Variants in CACNG1 observed in about 807,000 individuals in gnomAD.
CACNG1 encodes calcium voltage-gated channel auxiliary subunit gamma 1.
In CACNG1, 21 loss-of-function variants were observed where a neutral mutation model predicts 22.0. The ratio of observed to expected loss-of-function variants is 0.95; its 90% CI spans 0.68 to 1.37. CACNG1 has a LOEUF of 1.37. Ranked by LOEUF, CACNG1 falls within the 40% of genes most tolerant of loss-of-function variation. The pLI, the probability that CACNG1 is intolerant of heterozygous loss-of-function variation, is 0.00. For missense variants in CACNG1, 291 were observed against 308.6 expected (o/e 0.94, Z 0.43); for synonymous variants, 127 against 129.2 (o/e 0.98, Z 0.12).
At chr17:67,049,440 T>C (rs546152567) in intron 1 of CACNG1, among the ~76,000 whole-genome samples, 20 of 152,352 alleles carry the variant, frequency 1.3e-4, no homozygotes, top group African/African-American at 4.8e-4. Context: ...TTCACCGTTT[T>C]AGTCAATACA....
At position 67,051,057 on chromosome 17, in the gene CACNG1, G is replaced by A. The variant is rs116276649; in HGVS notation, c.230-2939G>A. Among the ~76,000 whole-genome samples the A allele has an allele frequency of 6.4e-3, 977 of 152,258 alleles. 7 individuals are homozygous for A. The highest frequency in any genetic ancestry group is 0.022 in the African/African-American group (914 of 41,550). On this transcript the variant is annotated intron_variant, in intron 1 of 3. Transcript: ENST00000226021. ...TAAGTGTGATGGAAGCCAGGGCAGC[G>A]GGGCAGAGAGGGGCATCCCAGAGGC...
In CACNG1 at chr17:67,044,753, C is replaced by T. The variant is rs1403014407; in HGVS notation, c.93C>T (p.His31=). The change falls in exon 1 of 4, where the codon CAC becomes CAT. Residue 31 remains histidine (H), a synonymous_variant. Coordinates refer to ENST00000226021, the MANE Select transcript of CACNG1 (RefSeq NM_000727.4). The surrounding 1 kb of genome is among the most constrained non-coding windows in gnomAD (Gnocchi z 6.9). ...VLAMTAVVTD[H]WAVLSPHMEH... ...CCATGACAGCCGTGGTAACCGACCA[C>T]TGGGCTGTGCTGAGCCCCCACATGG... The T allele has an allele frequency of 6.2e-7, 1 of 1,613,172 alleles. No homozygotes were observed. The highest frequency in any genetic ancestry group is 1.7e-5 in the Admixed American group (1 of 60,034).
chr17:67,051,126 C>G (rs897146119), intron 1 of CACNG1, among the ~76,000 whole-genome samples: 8 of 152,212 alleles, frequency 5.3e-5, no homozygotes, highest in Non-Finnish European at 1.2e-4. Context: ...GTCACGGTCC[C>G]TCTCCTCTTG....
Position 67,056,280 on chromosome 17 carries a change from C to A in CACNG1, c.*9C>A, listed in dbSNP as rs9912133. 3.3e-3 allele frequency: 5,374 copies of A among 1,610,890 alleles called. 165 individuals carry two copies. In the African/African-American group the frequency reaches 0.065, roughly 19 times the overall value. On this transcript the variant is annotated 3_prime_UTR_variant, in exon 4 of 4. Transcript: ENST00000226021. This position sits in a 1 kb window ranked among gnomAD's most constrained non-coding sequence, Gnocchi z 4.3. ...CTGAGCCCGAGCACTAACCCTCCTG[C>A]GGCCCTAGCGACCCTCAGGCTTCTT...
intron 1 of CACNG1, among the ~76,000 whole-genome samples, chr17:67,046,455 G>A (rs2035697449): frequency 6.6e-6 from 1 of 152,076 alleles, no homozygotes; most frequent in Non-Finnish European, 1.5e-5. Flanking sequence ...GCTTGCTCCA[G>A]AGATCCCCTC....
chr17:67,056,389 C>G lies in CACNG1; in HGVS notation c.*118C>G, dbSNP rs1162611443. ...GCCCCACCCTGCTCCCATCTGCCCC[C>G]CTGCAACAGTCGCAGGCTGCTTCCT... On this transcript the variant is annotated 3_prime_UTR_variant, in exon 4 of 4. Coordinates refer to ENST00000226021, the MANE Select transcript of CACNG1 (RefSeq NM_000727.4). The surrounding 1 kb of genome is among the most constrained non-coding windows in gnomAD (Gnocchi z 4.3). 1.2e-6 allele frequency: 1 copy of G among 804,056 alleles called. No individual in the cohort carries two copies. The highest frequency in any genetic ancestry group is 2.6e-5 in the East Asian group (1 of 38,976). 49.8% of individuals were successfully genotyped at this position (804,056 alleles called of 1,614,324 possible).
At position 67,055,075 on chromosome 17, in the gene CACNG1, G is replaced by C; in HGVS notation, c.305-28G>C. On this transcript the variant is annotated intron_variant, in intron 2 of 3. Transcript: ENST00000226021. The surrounding 1 kb of genome is among the most constrained non-coding windows in gnomAD (Gnocchi z 4.5). ...TGACAAGAGCTCCCATGCTGAGGCC[G>C]CATGCTGGGTGTCCCTTGTGTTTGC... 6.2e-7 allele frequency: 1 copy of C among 1,601,710 alleles called. No individual in the cohort carries two copies. The highest frequency in any genetic ancestry group is 8.5e-7 in the Non-Finnish European group (1 of 1,171,310).
chr17:67,051,713 G>A (rs946213652), intron 1 of CACNG1, among the ~76,000 whole-genome samples: 2 of 152,216 alleles, frequency 1.3e-5, no homozygotes, highest in African/African-American at 4.8e-5. Context: ...CTGCAGACAC[G>A]TAGCCTACCC....
Position 67,056,023 on chromosome 17 carries a change from G to C in CACNG1, c.443-22G>C. The C allele has an allele frequency of 6.3e-7, 1 of 1,595,924 alleles. No homozygotes were observed. The highest frequency in any genetic ancestry group is 8.5e-7 in the Non-Finnish European group (1 of 1,170,212). On this transcript the variant is annotated intron_variant, in intron 3 of 3. Coordinates refer to ENST00000226021, the MANE Select transcript of CACNG1 (RefSeq NM_000727.4). This position sits in a 1 kb window ranked among gnomAD's most constrained non-coding sequence, Gnocchi z 4.3. ...ACGGCAGACGCCCCTCGGTCCCTGA[G>C]CATGCCTGGCTCTGCCCCCAGGTCT...
rs2035742970 is a variant in CACNG1, at chr17:67,054,000, G to C, written c.234G>C (p.Lys78Asn). 3.7e-6 allele frequency: 6 copies of C among 1,613,836 alleles called. No homozygotes were observed. The highest frequency in any genetic ancestry group is 5.1e-6 in the Non-Finnish European group (6 of 1,179,734). Reference sequence around the variant, plus strand: ...AGTCTGTCTCCTCCTTTGCAGAGAAGAACTGTTCCTACTTCAGGCATTTTA... The same window carrying C: ...AGTCTGTCTCCTCCTTTGCAGAGAACAACTGTTCCTACTTCAGGCATTTTA... ...TCGPITLPGE[K>N]NCSYFRHFNP... The change falls in exon 2 of 4, where the codon AAG (lysine) becomes AAC (asparagine). Residue 78 changes from lysine to asparagine, a missense_variant. Coordinates refer to ENST00000226021, the MANE Select transcript of CACNG1 (RefSeq NM_000727.4).
chr17:67,053,076 C>T (rs1284410181), intron 1 of CACNG1, among the ~76,000 whole-genome samples: 3 of 152,308 alleles, frequency 2.0e-5, no homozygotes, highest in African/African-American at 4.8e-5. Flanking sequence ...TTCAGATTTG[C>T]GTTCCTACTG....
chr17:67,054,973 C>A lies in CACNG1; in HGVS notation c.305-130C>A. On this transcript the variant is annotated intron_variant, in intron 2 of 3. Transcript: ENST00000226021. This position sits in a 1 kb window ranked among gnomAD's most constrained non-coding sequence, Gnocchi z 4.6. ...CACACAAGACAGACACAGAGACACACACTTGACACACACACAATGACACAC... is the reference window on the plus strand; with the variant it reads ...CACACAAGACAGACACAGAGACACAAACTTGACACACACACAATGACACAC... 1.1e-6 allele frequency: 1 copy of A among 889,646 alleles called. No individual in the cohort carries two copies. Among genetic ancestry groups the A allele is most frequent in the Non-Finnish European group, 1.7e-6 (1 of 596,352 alleles). The allele number at this position is 889,646 out of a possible 1,614,324, so 55.1% of individuals were successfully genotyped here.
At chr17:67,048,440 A>G (rs774441015) in intron 1 of CACNG1, among the ~76,000 whole-genome samples, 5 of 152,178 alleles carry the variant, frequency 3.3e-5, no homozygotes, top group Non-Finnish European at 7.3e-5. Flanking sequence ...GACTACAGTG[A>G]ACTATGATCA....
Position 67,044,768 on chromosome 17 carries a change from C to T in CACNG1, c.108C>T (p.Ser36=), listed in dbSNP as rs138069395. 4.4e-5 allele frequency: 71 copies of T among 1,613,122 alleles called. No homozygotes were observed. The Middle Eastern group carries it at 3.1e-3, about 71-fold the overall frequency. The change falls in exon 1 of 4, where the codon AGC becomes AGT. Residue 36 remains serine (S), a synonymous_variant. Transcript: ENST00000226021. The surrounding 1 kb of genome is among the most constrained non-coding windows in gnomAD (Gnocchi z 6.9). ...TAACCGACCACTGGGCTGTGCTGAG[C>T]CCCCACATGGAGCACCACAACACTA... is the stretch of plus-strand genomic sequence containing the variant. ...AVVTDHWAVL[S]PHMEHHNTTC...
rs4790894 is a variant in CACNG1 at position 67,048,326 on chromosome 17, C to A, written c.229+3437C>A. On this transcript the variant is annotated intron_variant, in intron 1 of 3. Coordinates refer to ENST00000226021, the MANE Select transcript of CACNG1 (RefSeq NM_000727.4). ...TCCCTACCAAAAAAAAAAAAAAAAA[C>A]AAAAAAAAAACCCCACAAAATATCC... Among the ~76,000 whole-genome samples the A allele has an allele frequency of 3.7e-3, 496 of 132,878 alleles. 1 individual carries two copies. Among genetic ancestry groups the A allele is most frequent in the African/African-American group, 5.6e-3 (198 of 35,332 alleles). 87.2% of individuals were successfully genotyped at this position (132,878 alleles called of 152,430 possible). A position where few individuals can be genotyped will look rare whatever the true frequency, so the allele number is the denominator to read the frequency against.
rs2035758745 is a variant in CACNG1, at chr17:67,055,967, A to G, written c.443-78A>G. 3 of 1,213,670 alleles carry G rather than the reference A, an allele frequency of 2.5e-6. No individual in the cohort carries two copies. Among genetic ancestry groups the G allele is most frequent in the African/African-American group, 3.0e-5 (2 of 66,852 alleles). The allele number at this position is 1,213,670 out of a possible 1,614,324, so 75.2% of individuals were successfully genotyped here. ...CCAAGGCAAGGTCACCGCCTCCTCC[A>G]TGCACACAGGCTGGGATGGGGCTGG... On this transcript the variant is annotated intron_variant, in intron 3 of 3. Transcript: ENST00000226021. The surrounding 1 kb of genome is among the most constrained non-coding windows in gnomAD (Gnocchi z 4.5).
chr17:67,048,322 A>AC (rs999342428), intron 1 of CACNG1, among the ~76,000 whole-genome samples: 2 of 86,556 alleles, frequency 2.3e-5, no homozygotes, highest in African/African-American at 1.1e-4. Flanking sequence ...AAAAAAAAAA[A>AC]AAACAAAAAA....
In CACNG1 at chr17:67,055,123, G is replaced by T. The variant is rs767660766; in HGVS notation, c.325G>T (p.Ala109Ser). The T allele has an allele frequency of 6.2e-7, 1 of 1,613,990 alleles. No individual in the cohort carries two copies. Among genetic ancestry groups the T allele is most frequent in the Non-Finnish European group, 8.5e-7 (1 of 1,179,928 alleles). ...TQKEYSISAAAIAIFSLGFII... is the reference protein window; with the variant it reads ...TQKEYSISAASIAIFSLGFII... ...TGCAGAGTACAGCATCTCGGCAGCC[G>T]CCATCGCCATCTTCAGCCTTGGCTT... Residue 109 changes from alanine (A) to serine (S), a missense_variant, in exon 3 of 4, where the codon GCC (alanine) becomes TCC (serine). By Grantham distance (99) the Ala-to-Ser change is moderately conservative. Coordinates refer to ENST00000226021, the MANE Select transcript of CACNG1 (RefSeq NM_000727.4). The surrounding 1 kb of genome is among the most constrained non-coding windows in gnomAD (Gnocchi z 4.5).
In CACNG1 at chr17:67,044,720, C is replaced by T. The variant is rs200565506; in HGVS notation, c.60C>T (p.Ile20=). 9.9e-6 allele frequency: 16 copies of T among 1,612,032 alleles called. No homozygotes were observed. In the Admixed American group the frequency reaches 1.2e-4, roughly 12 times the overall value. ...RVTLFCILAG[I]VLAMTAVVTD... is the part of the protein sequence containing the mutation. Reference sequence around the variant, plus strand: ...CCCTCTTCTGCATCCTGGCAGGCATCGTGCTGGCCATGACAGCCGTGGTAA... The same window carrying T: ...CCCTCTTCTGCATCCTGGCAGGCATTGTGCTGGCCATGACAGCCGTGGTAA... Residue 20 remains isoleucine, a synonymous_variant, in exon 1 of 4, where the codon ATC becomes ATT. Coordinates refer to ENST00000226021, the MANE Select transcript of CACNG1 (RefSeq NM_000727.4). The surrounding 1 kb of genome is among the most constrained non-coding windows in gnomAD (Gnocchi z 6.9).
Sources: gnomAD v4.1 joint callset for allele counts (sites outside exome capture counted in the v4.1 genomes callset) on GRCh38, gnomAD v4.1.1 for gene constraint, Gnocchi (gnomAD v3.1) non-coding constraint, MANE v1.5 for transcripts, NCBI Gene and HGNC (gene_info 2026-07-23, HGNC 2026-07-21) for gene names.